The following ZNF740 variants were observed in gnomAD, a reference collection of about 807,000 sequenced individuals.
ZNF740 encodes oriLyt TD-element-binding protein 7.
ZNF740 carries 14 observed loss-of-function variants against 24.8 expected under a neutral mutation model. The ratio of observed to expected loss-of-function variants is 0.56; its 90% CI spans 0.37 to 0.88. ZNF740 has a LOEUF of 0.88. Among genes scored for constraint, ZNF740 ranks in the 40% least tolerant of loss-of-function variants. The pLI, the probability that ZNF740 is intolerant of heterozygous loss-of-function variation, is 0.00. For synonymous variants in ZNF740, 69 were observed against 84.0 expected, an observed-to-expected ratio of 0.82 and a Z score of 0.98; for missense variants, 201 against 247.9, an observed-to-expected ratio of 0.81 and a Z score of 1.27.
Position 53,193,715 on chromosome 12 carries a change from C to T in ZNF740, c.*6125C>T, listed in dbSNP as rs751788893. On this transcript the variant is annotated 3_prime_UTR_variant, in exon 7 of 7. Transcript: ENST00000416904. The stretch of plus-strand genomic sequence containing the variant: ...GGAAGAGGAGGCCCTCACCTGCATA[C>T]ACCACATTGTAGGTGTCCCTGGCCA... 6.8e-6 allele frequency: 11 copies of T among 1,611,860 alleles called. No individual in the cohort carries two copies. The highest frequency in any genetic ancestry group is 8.5e-6 in the Non-Finnish European group (10 of 1,178,840).
Position 53,191,176 on chromosome 12 carries a change from A to C in ZNF740, c.*3586A>C. 1 of 262,910 alleles carries C rather than the reference A, an allele frequency of 3.8e-6. No individual in the cohort carries two copies. The highest frequency in any genetic ancestry group is 7.5e-6 in the Non-Finnish European group (1 of 132,566). The allele number at this position is 262,910 out of a possible 1,614,324, so 16.3% of individuals were successfully genotyped here. Reference sequence around the variant, plus strand: ...CCTGGCTTCCTGGGTCCCAGGGTGCACCCCGGGAGTTTCCTGCACATTCGC... The same window carrying C: ...CCTGGCTTCCTGGGTCCCAGGGTGCCCCCCGGGAGTTTCCTGCACATTCGC... On this transcript the variant is annotated 3_prime_UTR_variant, in exon 7 of 7. Coordinates refer to ENST00000416904, the MANE Select transcript of ZNF740 (RefSeq NM_001004304.4).
intron 6 of ZNF740, chr12:53,186,899 A>C (rs1941834101): frequency 5.4e-6 from 1 of 185,818 alleles, no homozygotes; most frequent in Non-Finnish European, 1.2e-5. Context: ...GCTGGGATTC[A>C]GTCCAACTTC....
rs1367862261 is a variant in ZNF740, at chr12:53,193,275, T to G, written c.*5685T>G. 6.2e-7 allele frequency: 1 copy of G among 1,613,212 alleles called. No homozygotes were observed. Among genetic ancestry groups the G allele is most frequent in the African/African-American group, 1.3e-5 (1 of 74,862 alleles). ...CCACTGCACAGGGGCCCTGTGCCAT[T>G]GGGAGCCCGGCACCCAGATTCCAGG... On this transcript the variant is annotated 3_prime_UTR_variant, in exon 7 of 7. Transcript: ENST00000416904.
At chr12:53,183,042 T>C (rs1341170207) in intron 2 of ZNF740, among the ~76,000 whole-genome samples, 2 of 152,084 alleles carry the variant, frequency 1.3e-5, no homozygotes, top group Non-Finnish European at 2.9e-5. Context: ...GGCAGTCTGA[T>C]TGTAGTATAA....
In ZNF740 at chr12:53,187,825, G is replaced by C; in HGVS notation, c.*235G>C. 1.9e-6 allele frequency: 1 copy of C among 521,412 alleles called. No individual in the cohort carries two copies. The highest frequency in any genetic ancestry group is 1.9e-5 in the African/African-American group (1 of 52,178). The allele number at this position is 521,412 out of a possible 1,614,324, so 32.3% of individuals were successfully genotyped here. ...TCTTACAGCATTCCTGGGTAGGGGA[G>C]CTAGTCCCTGGACCCTTGGCTGAGG... On this transcript the variant is annotated 3_prime_UTR_variant, in exon 7 of 7. Transcript: ENST00000416904.
Position 53,193,672 on chromosome 12 carries a change from G to A in ZNF740, c.*6082G>A, listed in dbSNP as rs1240395376. 3 of 1,565,688 alleles carry A rather than the reference G, an allele frequency of 1.9e-6. No homozygotes were observed. In the African/African-American group the frequency reaches 4.1e-5, roughly 21 times the overall value. On this transcript the variant is annotated 3_prime_UTR_variant, in exon 7 of 7. Coordinates refer to ENST00000416904, the MANE Select transcript of ZNF740 (RefSeq NM_001004304.4). ...ACGGGCCAGGGTTGGTTGGTTGTTG[G>A]GAGCCAGGTGGTTGAAGGGAAGAGG...
intron 1 of ZNF740, 168 bp from the exon 2 acceptor site, chr12:53,181,508 GC>G: frequency 1.0e-6 from 1 of 985,084 alleles, no homozygotes; most frequent in Non-Finnish European, 1.2e-6. Context: ...TCCACTCCTT[GC>G]CCAGGAGACC....
In ZNF740 at chr12:53,191,162, G is replaced by C; in HGVS notation, c.*3572G>C. The C allele has an allele frequency of 4.1e-6, 1 of 244,688 alleles. No homozygotes were observed. Among genetic ancestry groups the C allele is most frequent in the South Asian group, 5.7e-5 (1 of 17,516 alleles). The allele number at this position is 244,688 out of a possible 1,614,324, so 15.2% of individuals were successfully genotyped here. A position where few individuals can be genotyped will look rare whatever the true frequency, so the allele number is the denominator to read the frequency against. Reference sequence around the variant, plus strand: ...AGGCCCTTTCCAGACCTGGCTTCCTGGGTCCCAGGGTGCACCCCGGGAGTT... The same window carrying C: ...AGGCCCTTTCCAGACCTGGCTTCCTCGGTCCCAGGGTGCACCCCGGGAGTT... On this transcript the variant is annotated 3_prime_UTR_variant, in exon 7 of 7. Transcript: ENST00000416904.
chr12:53,189,596 A>G lies in ZNF740; in HGVS notation c.*2006A>G, dbSNP rs1941889308. On this transcript the variant is annotated 3_prime_UTR_variant, in exon 7 of 7. Transcript: ENST00000416904. ...GAGACGCTGAGGAGTGTTTGCTGCC[A>G]TGTACTCTTACAGCTCTATGCTGAC... The G allele has an allele frequency of 6.6e-6, 1 of 152,086 alleles. No individual in the cohort carries two copies. The highest frequency in any genetic ancestry group is 1.5e-5 in the Non-Finnish European group (1 of 68,028). 9.4% of individuals were successfully genotyped at this position (152,086 alleles called of 1,614,324 possible).
chr12:53,181,167 C>T (rs547520434), intron 1 of ZNF740: 3 of 984,908 alleles, frequency 3.0e-6, no homozygotes, highest in Admixed American at 6.1e-5. Context: ...GCGAGGCGGG[C>T]GACACGCCGC....
intron 2 of ZNF740, 33 bp from the exon 3 acceptor site, chr12:53,184,858 G>A (rs746380051): frequency 6.3e-7 from 1 of 1,599,368 alleles, no homozygotes; most frequent in Non-Finnish European, 8.5e-7. Context: ...TGCCCTGCCA[G>A]GTGACCTGAC....
Position 53,189,202 on chromosome 12 carries a change from A to G in ZNF740, c.*1612A>G, listed in dbSNP as rs1941882194. On this transcript the variant is annotated 3_prime_UTR_variant, in exon 7 of 7. Coordinates refer to ENST00000416904, the MANE Select transcript of ZNF740 (RefSeq NM_001004304.4). ...TGTGAACATGAATTTTCTAAGGTGAAATAAACCTTTTCTTTCTGCTAAAGA... is the reference window on the plus strand; with the variant it reads ...TGTGAACATGAATTTTCTAAGGTGAGATAAACCTTTTCTTTCTGCTAAAGA... 6.6e-6 allele frequency: 1 copy of G among 152,046 alleles called. No individual in the cohort carries two copies. The highest frequency in any genetic ancestry group is 6.6e-5 in the Admixed American group (1 of 15,266). 9.4% of individuals were successfully genotyped at this position (152,046 alleles called of 1,614,324 possible).
Position 53,194,182 on chromosome 12 carries a change from G to T in ZNF740, c.*6592G>T. 1.9e-6 allele frequency: 3 copies of T among 1,613,870 alleles called. No homozygotes were observed. On this transcript the variant is annotated 3_prime_UTR_variant, in exon 7 of 7. Transcript: ENST00000416904. The stretch of plus-strand genomic sequence containing the variant: ...CTCCCCCTGCCCGCCTTCTGCCTGT[G>T]CTTGCTGGCTCTCACCGTCTGGTTG...
chr12:53,192,801 G>A lies in ZNF740; in HGVS notation c.*5211G>A, dbSNP rs770903705. 4.3e-6 allele frequency: 7 copies of A among 1,614,116 alleles called. No individual in the cohort carries two copies. The highest frequency in any genetic ancestry group is 5.9e-6 in the Non-Finnish European group (7 of 1,180,052). On this transcript the variant is annotated 3_prime_UTR_variant, in exon 7 of 7. Coordinates refer to ENST00000416904, the MANE Select transcript of ZNF740 (RefSeq NM_001004304.4). Reference sequence around the variant, plus strand: ...ATTTGCAGCGTCCATGCCCACTGCAGAGCCCTCCCTCGGGACTGATGCAAC... The same window carrying A: ...ATTTGCAGCGTCCATGCCCACTGCAAAGCCCTCCCTCGGGACTGATGCAAC...
Position 53,185,401 on chromosome 12 carries a change from C to A in ZNF740, c.174C>A (p.Asp58Glu). 6.2e-7 allele frequency: 1 copy of A among 1,613,980 alleles called. No individual in the cohort carries two copies. The highest frequency in any genetic ancestry group is 8.5e-7 in the Non-Finnish European group (1 of 1,179,880). The change falls in exon 4 of 7, where the codon GAC becomes GAA. Residue 58 changes from aspartate (D) to glutamate (E), a missense_variant. By Grantham distance (45) the Asp-to-Glu change is conservative. This residue lies in a region of ZNF740 where 117 missense variants were observed against 122.3 expected (regional missense o/e 0.96). Coordinates refer to ENST00000416904, the MANE Select transcript of ZNF740 (RefSeq NM_001004304.4). ...TGTCTTCAAAGGGTCACCGAAAAGA[C>A]AGTGATAAGTCCCGGAGCCGCAAAG... ...LRCSSQGHRKDSDKSRSRKDD... is the reference protein window; with the variant it reads ...LRCSSQGHRKESDKSRSRKDD...
At chr12:53,182,220 G>A in intron 2 of ZNF740, 4 of 584,730 alleles carry the variant, frequency 6.8e-6, no homozygotes. Flanking sequence ...AGGCACTGAT[G>A]GGACATTTGC....
Position 53,187,234 on chromosome 12 carries a change from G to A in ZNF740, c.493-267G>A, listed in dbSNP as rs537400983. ...GCTGTGAGTAGGTACTTTTAGCCTC[G>A]CTTTGCAGTTTTGCAGATGAGTATG... On this transcript the variant is annotated intron_variant, in intron 6 of 6. Transcript: ENST00000416904. Among the ~76,000 whole-genome samples the A allele has an allele frequency of 5.9e-5, 9 of 152,166 alleles. No individual in the cohort carries two copies. In the South Asian group the frequency reaches 6.2e-4, roughly 11 times the overall value.
rs1471782687 is a variant in ZNF740 at position 53,193,100 on chromosome 12, G to C, written c.*5510G>C. ...CCCAGAGCCTAAGTGCCTTGGGAAG[G>C]CCTCTCAGACCCCGCCCTTCTCCCC... On this transcript the variant is annotated 3_prime_UTR_variant, in exon 7 of 7. Coordinates refer to ENST00000416904, the MANE Select transcript of ZNF740 (RefSeq NM_001004304.4). The C allele has an allele frequency of 1.9e-6, 3 of 1,548,194 alleles. No homozygotes were observed. Among genetic ancestry groups the C allele is most frequent in the South Asian group, 1.2e-5 (1 of 85,862 alleles).
chr12:53,185,120 C>T, intron 3 of ZNF740, 80 bp downstream of exon 3: 1 of 1,586,776 alleles, frequency 6.3e-7, no homozygotes, highest in Admixed American at 1.7e-5. Context: ...GCTCTGATTC[C>T]TTGATGCTTC....
Sources: gnomAD v4.1 joint callset for allele counts (sites outside exome capture counted in the v4.1 genomes callset) on GRCh38, gnomAD v4.1.1 for gene constraint, gnomAD v4.1.1 regional missense constraint, MANE v1.5 for transcripts, NCBI Gene and HGNC (gene_info 2026-07-23, HGNC 2026-07-21) for gene names.